The following VPS13B variants were observed in gnomAD, a reference collection of about 807,000 sequenced individuals.
The protein encoded by VPS13B is intermembrane lipid transfer protein VPS13B.
Under a neutral mutation model 426.4 loss-of-function variants are expected in VPS13B, and 285 were observed. That is an observed-to-expected ratio of 0.67 (90% CI 0.61 to 0.74). The LOEUF (loss-of-function observed/expected upper bound fraction) is 0.74, where lower values mean the gene tolerates loss of function less well. VPS13B is among the 30% of genes least tolerant of loss of function. The pLI, the probability that VPS13B is intolerant of heterozygous loss-of-function variation, is 0.00. For missense variants in VPS13B, 4,537 were observed against 4,782.6 expected, an observed-to-expected ratio of 0.95 and a Z score of 1.51; for synonymous variants, 1,676 against 1,676.4, an observed-to-expected ratio of 1.00 and a Z score of 0.01.
At chr8:99,653,277 G>A (rs1177489283) in intron 34 of VPS13B, among the ~76,000 whole-genome samples, 2 of 152,168 alleles carry the variant, frequency 1.3e-5, no homozygotes, top group East Asian at 3.8e-4. Context: ...TAGACACGAG[G>A]AAAAGATTAG....
chr8:99,340,814 G>A (rs558688607), intron 19 of VPS13B: 6 of 337,880 alleles, frequency 1.8e-5, no homozygotes, highest in African/African-American at 4.4e-5. Flanking sequence ...TGTGGCACGC[G>A]GACCGCCTCA....
At chr8:99,723,191 T>G (rs538255051) in intron 39 of VPS13B, among the ~76,000 whole-genome samples, 15 of 152,324 alleles carry the variant, frequency 9.8e-5, no homozygotes, top group Admixed American at 9.1e-4. Flanking sequence ...TTTTACTTTT[T>G]ATTCCAACAA....
At chr8:99,212,663 C>CTCTTCCTACCTTCTCT (rs1563606505) in intron 17 of VPS13B, among the ~76,000 whole-genome samples, 1 of 151,914 alleles carries the variant, frequency 6.6e-6, no homozygotes, top group Non-Finnish European at 1.5e-5. Context: ...TGGTCTTTTT[C>CTCTTCCTACCTTCTCT]TCTTCTTCTT....
chr8:99,044,357 A>G (rs1331203130), intron 3 of VPS13B, among the ~76,000 whole-genome samples: 1 of 151,796 alleles, frequency 6.6e-6, no homozygotes, highest in Non-Finnish European at 1.5e-5. Context: ...TGCTGAGATT[A>G]CAGGCTTGAG....
At chr8:99,135,253 G>A in intron 10 of VPS13B, 116 bp downstream of exon 10, 6 of 1,421,578 alleles carry the variant, frequency 4.2e-6, no homozygotes, top group Non-Finnish European at 5.7e-6. Context: ...CTTGAGAGAG[G>A]AGCTTTACTA....
intron 2 of VPS13B, among the ~76,000 whole-genome samples, chr8:99,021,013 A>C (rs1841856750): frequency 6.6e-6 from 1 of 152,204 alleles, no homozygotes; most frequent in African/African-American, 2.4e-5. Context: ...TGGTGTTGTC[A>C]GTTTTGGTGA....
intron 24 of VPS13B, among the ~76,000 whole-genome samples, chr8:99,471,511 A>T (rs1321624918): frequency 6.6e-6 from 1 of 152,166 alleles, no homozygotes; most frequent in South Asian, 2.1e-4. Flanking sequence ...AAATGCAAAA[A>T]TACAAAAGGA....
chr8:99,251,377 T>A (rs904682390), intron 17 of VPS13B, among the ~76,000 whole-genome samples: 15 of 151,926 alleles, frequency 9.9e-5, no homozygotes, highest in African/African-American at 3.6e-4. Flanking sequence ...CCTGAGAGGG[T>A]GTTGAATTTT....
intron 2 of VPS13B, among the ~76,000 whole-genome samples, chr8:99,014,202 C>T (rs1841483389): frequency 6.8e-6 from 1 of 146,078 alleles, no homozygotes; most frequent in East Asian, 2.1e-4. Context: ...ACTGCAACCT[C>T]CGCCTCCGGG....
intron 5 of VPS13B, among the ~76,000 whole-genome samples, chr8:99,105,505 A>C (rs1295601075): frequency 6.6e-6 from 1 of 152,088 alleles, no homozygotes; most frequent in Admixed American, 6.6e-5. Context: ...CAGCCTCCCA[A>C]GTAGCTGGGA....
chr8:99,084,840 C>G (rs1845685416), intron 3 of VPS13B, among the ~76,000 whole-genome samples: 1 of 152,096 alleles, frequency 6.6e-6, no homozygotes, highest in South Asian at 2.1e-4. Flanking sequence ...AATTACTGTT[C>G]TTTTACATTT....
At chr8:99,682,529 A>G (rs1466184739) in intron 35 of VPS13B, among the ~76,000 whole-genome samples, 2 of 152,196 alleles carry the variant, frequency 1.3e-5, no homozygotes, top group African/African-American at 4.8e-5. Flanking sequence ...TTTACAGAGG[A>G]AAAGTTTTTA....
chr8:99,439,170 T>C (rs143502920), intron 22 of VPS13B, among the ~76,000 whole-genome samples: 1,729 of 152,270 alleles, frequency 0.011, 18 homozygotes, highest in Non-Finnish European at 0.015. Flanking sequence ...ACAACGTGCA[T>C]GAAGCAATTA....
At chr8:99,155,606 T>A (rs1019611105) in intron 14 of VPS13B, among the ~76,000 whole-genome samples, 1 of 152,202 alleles carries the variant, frequency 6.6e-6, no homozygotes, top group Non-Finnish European at 1.5e-5. Flanking sequence ...ATGGTGGTTT[T>A]AAAATTATTA....
At chr8:99,258,802 A>T (rs1817894314) in intron 17 of VPS13B, among the ~76,000 whole-genome samples, 1 of 152,118 alleles carries the variant, frequency 6.6e-6, no homozygotes, top group African/African-American at 2.4e-5. Flanking sequence ...AATCATAGTC[A>T]TAACCAAATC....
intron 3 of VPS13B, among the ~76,000 whole-genome samples, chr8:99,086,218 A>G (rs1845781806): frequency 6.6e-6 from 1 of 152,092 alleles, no homozygotes; most frequent in Non-Finnish European, 1.5e-5. Flanking sequence ...TTGATCTCCC[A>G]TCACTGATAC....
intron 3 of VPS13B, among the ~76,000 whole-genome samples, chr8:99,048,864 T>C (rs551003912): frequency 1.2e-4 from 18 of 152,096 alleles, no homozygotes; most frequent in Non-Finnish European, 2.2e-4. Flanking sequence ...GCATATGTAT[T>C]TAGGATTCTG....
In VPS13B at chr8:99,720,920, G is replaced by T. The variant is rs781618624; in HGVS notation, c.6923G>T (p.Cys2308Phe). ...EVLFYNETED[C>F]PGMMLWRYPE... ...TTATTTTATAATGAAACTGAAGATT[G>T]CCCAGGGATGATGTTATGGAGATAT... The change falls in exon 39 of 62, where the codon TGC (cysteine) becomes TTC (phenylalanine). Residue 2308 changes from cysteine to phenylalanine, a missense_variant. Transcript: ENST00000357162. The T allele has an allele frequency of 6.2e-7, 1 of 1,613,890 alleles. No individual in the cohort carries two copies.
intron 15 of VPS13B, among the ~76,000 whole-genome samples, chr8:99,157,931 C>T (rs1330267640): frequency 1.3e-5 from 2 of 152,174 alleles, no homozygotes; most frequent in African/African-American, 4.8e-5. Flanking sequence ...AAATGAAAAG[C>T]AAGGCCCTAA....
Sources: allele counts gnomAD v4.1 joint callset (sites outside exome capture counted in the v4.1 genomes callset), GRCh38; gene constraint gnomAD v4.1.1; transcripts MANE v1.5; gene names NCBI Gene and HGNC (gene_info 2026-07-23, HGNC 2026-07-21).